The following KLHL7 variants were observed in gnomAD, a reference collection of about 807,000 sequenced individuals.
KLHL7 encodes kelch like family member 7.
In KLHL7, 44 loss-of-function variants were observed where a neutral mutation model predicts 67.4. That is an observed-to-expected ratio of 0.65 (90% confidence interval 0.51 to 0.84). The LOEUF (loss-of-function observed/expected upper bound fraction) is 0.84. Among genes scored for constraint, KLHL7 ranks in the 40% least tolerant of loss-of-function variants. KLHL7 has a pLI of 0.00. For synonymous variants in KLHL7, 252 were observed against 243.3 expected (o/e 1.04, Z -0.33); for missense variants, 362 against 718.1 (o/e 0.50, Z 5.67).
chr7:23,146,007 C>T (rs766727908), intron 6 of KLHL7, among the ~76,000 whole-genome samples: 1 of 152,226 alleles, frequency 6.6e-6, no homozygotes, highest in African/African-American at 2.4e-5. Context: ...GCTGGGATTA[C>T]AGGCATGAAC....
At position 23,140,589 on chromosome 7, in the gene KLHL7, C is replaced by A. The variant is rs190962678; in HGVS notation, c.443-180C>A. 6,749 of 642,720 alleles carry A rather than the reference C, an allele frequency of 0.011. 265 individuals carry two copies. The African/African-American group carries it at 0.11, about 10-fold the overall frequency. 39.8% of individuals were successfully genotyped at this position (642,720 alleles called of 1,614,324 possible). A position where few individuals can be genotyped will look rare whatever the true frequency, so the allele number is the denominator to read the frequency against. On this transcript the variant is annotated intron_variant, in intron 4 of 10. Transcript: ENST00000339077. ...AAAAAAACAAAAAACAAAAAAAAAA[C>A]CAGTCTTTTATAAGACAGTATAGTA...
In KLHL7 at chr7:23,143,948, C is replaced by G; in HGVS notation, c.716C>G (p.Ser239Ter). 6.2e-7 allele frequency: 1 copy of G among 1,613,942 alleles called. No individual in the cohort carries two copies. Among genetic ancestry groups the G allele is most frequent in the African/African-American group, 1.3e-5 (1 of 75,022 alleles). ...GCTAAAGTCAGGTTTCCTCTTATATCAAAGAATTTCTTAAGTAAAACGGTA... is the reference window on the plus strand; with the variant it reads ...GCTAAAGTCAGGTTTCCTCTTATATGAAAGAATTTCTTAAGTAAAACGGTA... Reference protein sequence around the residue: ...ILAKVRFPLISKNFLSKTVQA... With the variant: ...ILAKVRFPLI The change falls in exon 6 of 11, where the codon TCA becomes TGA. Residue 239 changes from serine (S) to a stop codon, truncating the protein, a stop_gained. Transcript: ENST00000339077. LOFTEE classifies it high-confidence loss of function.
chr7:23,133,656 A>T (rs1783877143), intron 4 of KLHL7, among the ~76,000 whole-genome samples: 1 of 151,336 alleles, frequency 6.6e-6, no homozygotes, highest in Non-Finnish European at 1.5e-5. Context: ...CTGTTCTCAA[A>T]CTCCTGACCT....
At chr7:23,147,033 TA>T (rs2128465780) in intron 6 of KLHL7, among the ~76,000 whole-genome samples, 1 of 152,176 alleles carries the variant, frequency 6.6e-6, no homozygotes, top group East Asian at 1.9e-4. Context: ...TTATTTCAGA[TA>T]TTTTTGTTGT....
At chr7:23,125,663 TAGAAAAC>T in intron 4 of KLHL7, 1 of 1,365,410 alleles carries the variant, frequency 7.3e-7, no homozygotes, top group South Asian at 1.8e-5. Flanking sequence ...TGTTTTATAC[TAGAAAAC>T]ATAACCTTAG....
intron 1 of KLHL7, among the ~76,000 whole-genome samples, chr7:23,109,241 G>T (rs551904864): frequency 1.6e-4 from 24 of 152,344 alleles, no homozygotes; most frequent in African/African-American, 5.5e-4. Flanking sequence ...CTAACTGGGT[G>T]TATAGGAGCA....
intron 1 of KLHL7, chr7:23,106,720 G>A: frequency 1.0e-6 from 1 of 994,220 alleles, no homozygotes; most frequent in Non-Finnish European, 1.2e-6. Context: ...GTGCGCCTCT[G>A]TTATTAAGAG....
intron 6 of KLHL7, among the ~76,000 whole-genome samples, chr7:23,149,381 T>C (rs10270788): frequency 0.44 from 66,752 of 152,040 alleles, 16,580 homozygotes; most frequent in African/African-American, 0.69. Context: ...GTCAGCCACT[T>C]TTACCACATG....
chr7:23,116,948 C>A (rs1304992793), intron 1 of KLHL7, among the ~76,000 whole-genome samples: 1 of 152,124 alleles, frequency 6.6e-6, no homozygotes, highest in Non-Finnish European at 1.5e-5. Context: ...GCTGATCTTT[C>A]TCCTTTTCAA....
At chr7:23,140,390 T>TA (rs1196136842) in intron 4 of KLHL7, among the ~76,000 whole-genome samples, 1 of 151,924 alleles carries the variant, frequency 6.6e-6, no homozygotes, top group African/African-American at 2.4e-5. Context: ...CCGTCTCTAC[T>TA]AAAAAATACA....
At chr7:23,163,002 G>A (rs1328895081) in intron 7 of KLHL7, among the ~76,000 whole-genome samples, 1 of 152,010 alleles carries the variant, frequency 6.6e-6, no homozygotes, top group Non-Finnish European at 1.5e-5. Context: ...TTTGGATTGT[G>A]GTTGCCTTTT....
intron 1 of KLHL7, among the ~76,000 whole-genome samples, chr7:23,117,528 G>T (rs936637600): frequency 1.3e-5 from 2 of 152,132 alleles, no homozygotes; most frequent in Non-Finnish European, 2.9e-5. Context: ...CCTTTGCAAA[G>T]CTGTTTGGCC....
chr7:23,148,224 A>G (rs958962819), intron 6 of KLHL7, among the ~76,000 whole-genome samples: 2 of 152,216 alleles, frequency 1.3e-5, no homozygotes, highest in Non-Finnish European at 2.9e-5. Flanking sequence ...ATATCTAATA[A>G]TGAAAATTTT....
At chr7:23,166,039 CT>C (rs1289138396) in intron 8 of KLHL7, 101 bp downstream of exon 8, 2 of 1,320,998 alleles carry the variant, frequency 1.5e-6, no homozygotes, top group Non-Finnish European at 2.2e-6. Flanking sequence ...TGTCCAGATA[CT>C]TTCTTGGTAA....
intron 7 of KLHL7, among the ~76,000 whole-genome samples, chr7:23,164,459 TACA>T (rs1345377534): frequency 6.6e-6 from 1 of 152,216 alleles, no homozygotes; most frequent in African/African-American, 2.4e-5. Context: ...TTCTGTGGTA[TACA>T]GTTTCTCTAA....
At chr7:23,112,187 G>T (rs1439697466) in intron 1 of KLHL7, among the ~76,000 whole-genome samples, 1 of 152,172 alleles carries the variant, frequency 6.6e-6, no homozygotes, top group African/African-American at 2.4e-5. Flanking sequence ...GAGGGATTCA[G>T]CATAAGGTGT....
chr7:23,139,262 G>T lies in KLHL7; in HGVS notation c.443-1507G>T, dbSNP rs577915883. 3.3e-5 allele frequency among the ~76,000 whole-genome samples: 5 copies of T among 152,210 alleles called. No individual in the cohort carries two copies. The South Asian group carries it at 8.3e-4, about 25-fold the overall frequency. On this transcript the variant is annotated intron_variant, in intron 4 of 10. Transcript: ENST00000339077. ...TTTATTTTAAAAATAATAATGCTTT[G>T]TGACCAGCTAGGATTTACTTTAAAA... is the stretch of plus-strand genomic sequence containing the variant.
chr7:23,173,063 A>G lies in KLHL7; in HGVS notation c.1477+18A>G. 1 of 1,558,248 alleles carries G rather than the reference A, an allele frequency of 6.4e-7. No homozygotes were observed. Among genetic ancestry groups the G allele is most frequent in the Non-Finnish European group, 8.9e-7 (1 of 1,129,158 alleles). Reference sequence around the variant, plus strand: ...TGGTTTAGGTATGTGATGTTAATTCACTGTTCCACTTTCCTGATGAGTTTG... The same window carrying G: ...TGGTTTAGGTATGTGATGTTAATTCGCTGTTCCACTTTCCTGATGAGTTTG... On this transcript the variant is annotated intron_variant, in intron 10 of 10. Transcript: ENST00000339077.
At chr7:23,106,493 C>T (rs2072368) in intron 1 of KLHL7, 444,776 of 1,165,014 alleles carry the variant, frequency 0.38, 89,958 homozygotes, top group African/African-American at 0.73. Flanking sequence ...TTTTAAGGTG[C>T]CGTGAGATCT....
Sources: allele counts gnomAD v4.1 joint callset (sites outside exome capture counted in the v4.1 genomes callset), GRCh38; gene constraint gnomAD v4.1.1; transcripts MANE v1.5; gene names NCBI Gene and HGNC (gene_info 2026-07-23, HGNC 2026-07-21).